Variants in SLC6A5 observed in about 807,000 individuals in gnomAD.
SLC6A5 encodes sodium- and chloride-dependent glycine transporter 2.
SLC6A5 carries 58 observed loss-of-function variants against 90.5 expected under a neutral mutation model. That is an observed-to-expected ratio of 0.64 (90% CI 0.52 to 0.80). The LOEUF (loss-of-function observed/expected upper bound fraction) is 0.80, where lower values mean the gene tolerates loss of function less well. SLC6A5 is among the 30% of genes least tolerant of loss of function. The probability of loss-of-function intolerance (pLI) is 0.00; values close to 1 mark genes in which losing one functional copy is unlikely to be tolerated. For synonymous variants in SLC6A5, 427 were observed against 401.4 expected (o/e 1.06, Z -0.76); for missense variants, 1,015 against 1,017.6 (o/e 1.00, Z 0.03).
chr11:20,617,911 A>C (rs11025653), intron 7 of SLC6A5, 27 bp downstream of exon 7: 2 of 1,609,380 alleles, frequency 1.2e-6, no homozygotes, highest in Non-Finnish European at 1.7e-6. Flanking sequence ...ATCTAAGAGA[A>C]AGCTGTGAGA....
chr11:20,620,410 C>T (rs1036870554), intron 7 of SLC6A5, among the ~76,000 whole-genome samples: 5 of 152,200 alleles, frequency 3.3e-5, no homozygotes, highest in Non-Finnish European at 7.3e-5. Context: ...GTGCATAATA[C>T]TTAGGATTGC....
chr11:20,646,775 C>T (rs1853422890), intron 13 of SLC6A5, 59 bp from the exon 14 acceptor site: 10 of 1,216,342 alleles, frequency 8.2e-6, no homozygotes, highest in Non-Finnish European at 1.2e-5. Flanking sequence ...CCTGCCCTGC[C>T]ACCACCTCAC....
intron 10 of SLC6A5, among the ~76,000 whole-genome samples, chr11:20,635,982 A>G (rs1853197648): frequency 6.6e-6 from 1 of 152,200 alleles, no homozygotes; most frequent in African/African-American, 2.4e-5. Context: ...CCTTTAATTC[A>G]TCCAATACAA....
At chr11:20,610,446 A>C (rs1315934671) in intron 5 of SLC6A5, among the ~76,000 whole-genome samples, 1 of 152,206 alleles carries the variant, frequency 6.6e-6, no homozygotes, top group African/African-American at 2.4e-5. Flanking sequence ...GACGCTCTCT[A>C]GTGAGGCTGC....
rs964762948 is a variant in SLC6A5 at position 20,656,000 on chromosome 11, T to C, written c.*1132T>C. The C allele has an allele frequency of 2.0e-5, 3 of 152,350 alleles. No homozygotes were observed. The highest frequency in any genetic ancestry group is 2.1e-4 in the South Asian group (1 of 4,834). 9.4% of individuals were successfully genotyped at this position (152,350 alleles called of 1,614,324 possible). ...GGTATTTATAGAACTTTCTGATAAATACAGCTTAGGTAAGTAGCGAGTGAG... is the reference window on the plus strand; with the variant it reads ...GGTATTTATAGAACTTTCTGATAAACACAGCTTAGGTAAGTAGCGAGTGAG... On this transcript the variant is annotated 3_prime_UTR_variant, in exon 16 of 16. Coordinates refer to ENST00000525748, the MANE Select transcript of SLC6A5 (RefSeq NM_004211.5).
intron 10 of SLC6A5, among the ~76,000 whole-genome samples, chr11:20,634,106 G>T (rs1447149232): frequency 1.3e-5 from 2 of 152,314 alleles, no homozygotes; most frequent in East Asian, 3.9e-4. Context: ...TCCTCACCTT[G>T]TGATCTGCCC....
chr11:20,636,262 C>T (rs556495797), intron 10 of SLC6A5, 45 bp from the exon 11 acceptor site: 1 of 1,215,494 alleles, frequency 8.2e-7, no homozygotes, highest in African/African-American at 1.5e-5. Context: ...GGAAGAGCAG[C>T]CTTGAGTAGG....
chr11:20,626,282 C>T (rs917046284), intron 7 of SLC6A5, among the ~76,000 whole-genome samples: 1 of 152,154 alleles, frequency 6.6e-6, no homozygotes, highest in African/African-American at 2.4e-5. Flanking sequence ...GGGACTGCCT[C>T]ACTTAGGTAT....
At chr11:20,619,240 C>A (rs1852844022) in intron 7 of SLC6A5, among the ~76,000 whole-genome samples, 1 of 152,198 alleles carries the variant, frequency 6.6e-6, no homozygotes, top group Non-Finnish European at 1.5e-5. Flanking sequence ...GTAGTCAGTG[C>A]CATCTTTCAC....
chr11:20,654,933 C>A lies in SLC6A5; in HGVS notation c.*65C>A, dbSNP rs1452682431. On this transcript the variant is annotated 3_prime_UTR_variant, in exon 16 of 16. Transcript: ENST00000525748. ...CCTCTCTGCCTCCTCCTAATGTTTT[C>A]CATAGCTCTCCTCCCATTTTTCTTC... The A allele has an allele frequency of 2.0e-6, 3 of 1,467,904 alleles. No homozygotes were observed. Among genetic ancestry groups the A allele is most frequent in the African/African-American group, 2.8e-5 (2 of 71,964 alleles). The allele number at this position is 1,467,904 out of a possible 1,614,324, so 90.9% of individuals were successfully genotyped here.
At chr11:20,645,986 A>G (rs1853408382) in intron 13 of SLC6A5, among the ~76,000 whole-genome samples, 1 of 152,174 alleles carries the variant, frequency 6.6e-6, no homozygotes, top group Non-Finnish European at 1.5e-5. Context: ...GCTGCTGACT[A>G]TGAAGGAGCT....
At chr11:20,623,611 C>T (rs1852934377) in intron 7 of SLC6A5, among the ~76,000 whole-genome samples, 1 of 152,130 alleles carries the variant, frequency 6.6e-6, no homozygotes, top group South Asian at 2.1e-4. Flanking sequence ...CCTGCCGTAG[C>T]CCTGTTGCCC....
intron 7 of SLC6A5, among the ~76,000 whole-genome samples, chr11:20,624,883 T>C (rs1269059194): frequency 6.6e-6 from 1 of 152,216 alleles, no homozygotes; most frequent in Non-Finnish European, 1.5e-5. Context: ...TCCAGTGCCC[T>C]GGGCCTGTTC....
chr11:20,604,494 G>A, intron 3 of SLC6A5, 70 bp downstream of exon 3: 2 of 1,577,918 alleles, frequency 1.3e-6, no homozygotes, highest in Non-Finnish European at 1.7e-6. Context: ...TGGGACAGGA[G>A]CCCTCAGGCA....
chr11:20,615,438 G>A (rs565307305), intron 6 of SLC6A5, among the ~76,000 whole-genome samples: 1 of 151,942 alleles, frequency 6.6e-6, no homozygotes, highest in Non-Finnish European at 1.5e-5. Flanking sequence ...GCGCGATCTC[G>A]GCTCACTGAA....
chr11:20,614,739 C>A lies in SLC6A5; in HGVS notation c.1046C>A (p.Thr349Asn), dbSNP rs201604337. Residue 349 changes from threonine (T) to asparagine (N), a missense_variant, in exon 6 of 16, where the codon ACC becomes AAC. Physicochemically the swap from Thr to Asn is moderately conservative, Grantham distance 65. Transcript: ENST00000525748. ...IQIKNSTFCM[T>N]AYPNVTMVNF... is the part of the protein sequence containing the mutation. ...ATCAAGAACTCGACTTTCTGCATGACCGCTTATCCCAACGTGACAATGGTT... is the reference window on the plus strand; with the variant it reads ...ATCAAGAACTCGACTTTCTGCATGAACGCTTATCCCAACGTGACAATGGTT... The A allele has an allele frequency of 1.9e-6, 3 of 1,613,662 alleles. No homozygotes were observed. Among genetic ancestry groups the A allele is most frequent in the African/African-American group, 1.3e-5 (1 of 74,934 alleles).
At chr11:20,641,724 C>T (rs570138549) in intron 13 of SLC6A5, among the ~76,000 whole-genome samples, 1 of 152,244 alleles carries the variant, frequency 6.6e-6, no homozygotes, top group South Asian at 2.1e-4. Flanking sequence ...TAATAACTCA[C>T]ACAGGTAAAT....
chr11:20,609,199 A>G (rs896092709), intron 5 of SLC6A5, among the ~76,000 whole-genome samples: 1 of 151,624 alleles, frequency 6.6e-6, no homozygotes, highest in Non-Finnish European at 1.5e-5. Context: ...GACAATGTAC[A>G]TTTTTCACGC....
At chr11:20,621,319 G>A (rs1167501744) in intron 7 of SLC6A5, among the ~76,000 whole-genome samples, 1 of 152,118 alleles carries the variant, frequency 6.6e-6, no homozygotes, top group Non-Finnish European at 1.5e-5. Flanking sequence ...GTCTTCATTT[G>A]CAAAATCAAG....
Sources: gnomAD v4.1 joint callset for allele counts (sites outside exome capture counted in the v4.1 genomes callset) on GRCh38, gnomAD v4.1.1 for gene constraint, MANE v1.5 for transcripts, NCBI Gene and HGNC (gene_info 2026-07-23, HGNC 2026-07-21) for gene names.